QTGAL: variants seen among roughly 807,000 people sequenced by gnomAD.
QTGAL encodes BGnT-like protein 1.
chr17:83,028,019 C>G, the QTGAL span, among the ~76,000 whole-genome samples: 2 of 151,898 alleles, frequency 1.3e-5, no homozygotes, highest in Non-Finnish European at 2.9e-5. Flanking sequence ...GAGGCTGAGG[C>G]AGGATTGCTT....
the QTGAL span, among the ~76,000 whole-genome samples, chr17:82,984,992 A>C: frequency 1.3e-5 from 2 of 152,156 alleles, no homozygotes; most frequent in Non-Finnish European, 2.9e-5. Flanking sequence ...CAACCTGGGA[A>C]GCCGGGTGGC....
the QTGAL span, among the ~76,000 whole-genome samples, chr17:82,955,693 G>A: frequency 1.6e-4 from 24 of 152,214 alleles, no homozygotes; most frequent in Non-Finnish European, 2.4e-4. Context: ...AAAGATACAT[G>A]CACGCATATG....
the QTGAL span, among the ~76,000 whole-genome samples, chr17:82,990,436 C>A: frequency 2.6e-5 from 4 of 152,380 alleles, no homozygotes; most frequent in African/African-American, 9.6e-5. Context: ...AGACTCAACT[C>A]ATTTTTAAAC....
At chr17:83,026,940 C>T in the QTGAL span, among the ~76,000 whole-genome samples, 7 of 151,478 alleles carry the variant, frequency 4.6e-5, no homozygotes, top group Admixed American at 2.0e-4. Context: ...GACAAACCCA[C>T]CCTCGACAGA....
the QTGAL span, among the ~76,000 whole-genome samples, chr17:83,015,205 C>T: frequency 4.0e-5 from 6 of 148,422 alleles, no homozygotes; most frequent in East Asian, 2.0e-4. This position sits in a 1 kb window ranked among gnomAD's most constrained non-coding sequence, Gnocchi z 4.4. Context: ...GGACCATCTG[C>T]GGTGAGGACC....
At chr17:82,953,733 T>C in the QTGAL span, among the ~76,000 whole-genome samples, 19 of 152,284 alleles carry the variant, frequency 1.2e-4, no homozygotes, top group African/African-American at 4.3e-4. Flanking sequence ...TGATGAACAC[T>C]GATGTGAAAA....
chr17:82,958,200 G>A, the QTGAL span, among the ~76,000 whole-genome samples: 1 of 152,228 alleles, frequency 6.6e-6, no homozygotes, highest in African/African-American at 2.4e-5. Context: ...GGAGCTGGAC[G>A]GGCCAGAAGC....
chr17:82,978,611 T>G, the QTGAL span: 2 of 152,230 alleles, frequency 1.3e-5, no homozygotes, highest in Non-Finnish European at 2.9e-5. This position sits in a 1 kb window ranked among gnomAD's most constrained non-coding sequence, Gnocchi z 4.8. Context: ...TGAGCCCTTC[T>G]AATCAGGTCA....
At chr17:82,984,876 G>A in the QTGAL span, among the ~76,000 whole-genome samples, 2 of 152,152 alleles carry the variant, frequency 1.3e-5, no homozygotes, top group African/African-American at 2.4e-5. Context: ...TAGAGCAGGA[G>A]CATGCATCTC....
chr17:82,979,431 G>C, the QTGAL span: 1 of 152,234 alleles, frequency 6.6e-6, no homozygotes, highest in Non-Finnish European at 1.5e-5. Context: ...AGACGAAATA[G>C]AGTCTGAACA....
chr17:83,048,442 A>G, the QTGAL span: 1 of 1,545,012 alleles, frequency 6.5e-7, no homozygotes, highest in East Asian at 2.2e-5. Context: ...CACGAATTAT[A>G]GTTTAATAAA....
chr17:82,946,382 G>T, the QTGAL span, among the ~76,000 whole-genome samples: 1 of 152,210 alleles, frequency 6.6e-6, no homozygotes, highest in Non-Finnish European at 1.5e-5. Flanking sequence ...CAGTTCAACA[G>T]GAAGATGATT....
chr17:82,992,460 C>G, the QTGAL span, among the ~76,000 whole-genome samples: 1 of 152,082 alleles, frequency 6.6e-6, no homozygotes, highest in Non-Finnish European at 1.5e-5. Flanking sequence ...AATAGTATAT[C>G]CAATGAAAAT....
At chr17:82,962,472 C>A in the QTGAL span, among the ~76,000 whole-genome samples, 32 of 150,524 alleles carry the variant, frequency 2.1e-4, no homozygotes, top group Admixed American at 7.9e-4. Flanking sequence ...GAGGGTCCCG[C>A]GGGTGCTGGT....
At chr17:83,050,890 T>C in the QTGAL span, among the ~76,000 whole-genome samples, 1 of 149,034 alleles carries the variant, frequency 6.7e-6, no homozygotes, top group African/African-American at 2.5e-5. Flanking sequence ...CGGGCATGTA[T>C]GCAGGACGCA....
chr17:83,047,067 T>C, the QTGAL span, among the ~76,000 whole-genome samples: 4 of 152,232 alleles, frequency 2.6e-5, no homozygotes, highest in African/African-American at 9.6e-5. Flanking sequence ...TGGAAGAGCC[T>C]GCGTGCCACC....
At chr17:83,049,039 G>A in the QTGAL span, 1 of 451,670 alleles carries the variant, frequency 2.2e-6, no homozygotes, top group East Asian at 4.3e-5. Flanking sequence ...GGATTACAAG[G>A]TCAGGAGATT....
the QTGAL span, among the ~76,000 whole-genome samples, chr17:83,019,488 C>T: frequency 6.6e-6 from 1 of 152,148 alleles, no homozygotes; most frequent in South Asian, 2.1e-4. Context: ...TTAGCAGAGC[C>T]AAAGTCATGG....
chr17:83,034,200 A>C, the QTGAL span, among the ~76,000 whole-genome samples: 1 of 152,090 alleles, frequency 6.6e-6, no homozygotes, highest in East Asian at 1.9e-4. Flanking sequence ...TCGGCCTCCC[A>C]AAGTGCTGGG....
Sources: gnomAD v4.1 joint callset for allele counts (sites outside exome capture counted in the v4.1 genomes callset) on GRCh38, gnomAD v4.1.1 for gene constraint, Gnocchi (gnomAD v3.1) non-coding constraint, MANE v1.5 for transcripts, NCBI Gene and HGNC (gene_info 2026-07-23, HGNC 2026-07-21) for gene names.